The following MS4A5 variants were observed in gnomAD, a reference collection of about 807,000 sequenced individuals.
The protein encoded by MS4A5 is membrane spanning 4-domains A5.
In MS4A5, 15 loss-of-function variants were observed where a neutral mutation model predicts 18.2. The ratio of observed to expected loss-of-function variants is 0.83; its 90% CI spans 0.55 to 1.27. The LOEUF (loss-of-function observed/expected upper bound fraction) is 1.27. Among genes scored for constraint, MS4A5 ranks in the 50% most tolerant of loss-of-function variants. MS4A5 has a pLI of 0.00. For missense variants in MS4A5, 232 were observed against 225.7 expected, an observed-to-expected ratio of 1.03 and a Z score of -0.18; for synonymous variants, 89 against 78.7, an observed-to-expected ratio of 1.13 and a Z score of -0.69.
chr11:60,437,237 C>A (rs1453846213), intron 4 of MS4A5, among the ~76,000 whole-genome samples: 3 of 149,436 alleles, frequency 2.0e-5, no homozygotes, highest in Non-Finnish European at 4.5e-5. Flanking sequence ...GATTTTGTCA[C>A]CACCAGGCCT....
In MS4A5 at chr11:60,447,297, A is replaced by T. The variant is rs1021809086; in HGVS notation, c.493-352A>T. On this transcript the variant is annotated intron_variant, in intron 4 of 4. Coordinates refer to ENST00000300190, the MANE Select transcript of MS4A5 (RefSeq NM_023945.3). ...ATCCTATGCTATGCTATGCTATGCT[A>T]TCCTATGCTGTGCTATGCTATGCTA... Among the ~76,000 whole-genome samples the T allele has an allele frequency of 1.5e-4, 21 of 137,916 alleles. No individual in the cohort carries two copies. In the South Asian group the frequency reaches 4.6e-3, roughly 30 times the overall value. 90.5% of individuals were successfully genotyped at this position (137,916 alleles called of 152,430 possible). A position where few individuals can be genotyped will look rare whatever the true frequency, so the allele number is the denominator to read the frequency against.
rs374943559 is a variant in MS4A5 at position 60,446,610 on chromosome 11, G to A, written c.493-1039G>A. 3.9e-5 allele frequency among the ~76,000 whole-genome samples: 6 copies of A among 152,156 alleles called. No individual in the cohort carries two copies. In the South Asian group the frequency reaches 8.3e-4, roughly 21 times the overall value. On this transcript the variant is annotated intron_variant, in intron 4 of 4. Coordinates refer to ENST00000300190, the MANE Select transcript of MS4A5 (RefSeq NM_023945.3). ...TAGCCGGGTTTGGTGGTGGGCACCT[G>A]TAATCCCAGCTACTCGGGAGGCTGA... is the stretch of plus-strand genomic sequence containing the variant.
intron 4 of MS4A5, among the ~76,000 whole-genome samples, chr11:60,441,378 T>C (rs1444711714): frequency 1.7e-5 from 2 of 114,414 alleles, no homozygotes; most frequent in East Asian, 4.7e-4. Flanking sequence ...TGTATACATA[T>C]GTAACTAACC....
At chr11:60,440,697 C>T (rs1218867265) in intron 4 of MS4A5, among the ~76,000 whole-genome samples, 1 of 142,236 alleles carries the variant, frequency 7.0e-6, no homozygotes, top group Non-Finnish European at 1.5e-5. Flanking sequence ...CACTGGCCAT[C>T]AGAGAAATGC....
At chr11:60,429,942 T>C (rs949276698) in intron 1 of MS4A5, 115 bp downstream of exon 1, 1 of 1,009,386 alleles carries the variant, frequency 9.9e-7, no homozygotes. Flanking sequence ...TTTAAGACAA[T>C]GTGAATATAG....
intron 4 of MS4A5, among the ~76,000 whole-genome samples, chr11:60,439,937 T>C (rs1157071893): frequency 8.0e-6 from 1 of 124,782 alleles, no homozygotes; most frequent in Non-Finnish European, 1.7e-5. Flanking sequence ...TTAAAGTTCA[T>C]ATGGGACCAA....
intron 4 of MS4A5, among the ~76,000 whole-genome samples, chr11:60,435,902 G>T (rs945415038): frequency 3.9e-4 from 59 of 152,372 alleles, no homozygotes; most frequent in Middle Eastern, 3.4e-3. Flanking sequence ...CAAAGCAGCT[G>T]GGAAGCTCCA....
At chr11:60,446,344 G>T (rs1428524002) in intron 4 of MS4A5, among the ~76,000 whole-genome samples, 2 of 152,178 alleles carry the variant, frequency 1.3e-5, no homozygotes, top group Non-Finnish European at 2.9e-5. Flanking sequence ...GTAAGTGCAG[G>T]TCTGCAGCCT....
intron 4 of MS4A5, among the ~76,000 whole-genome samples, chr11:60,442,354 T>C (rs927688702): frequency 4.6e-5 from 7 of 152,172 alleles, no homozygotes; most frequent in Non-Finnish European, 7.3e-5. Flanking sequence ...CTTTTAAGAA[T>C]ACAATAGCCA....
chr11:60,443,078 T>G (rs925177170), intron 4 of MS4A5, among the ~76,000 whole-genome samples: 2 of 151,996 alleles, frequency 1.3e-5, no homozygotes, highest in African/African-American at 4.8e-5. Context: ...GAGGCGGAAG[T>G]TGAAGTGAGC....
chr11:60,446,028 T>C (rs1049959902), intron 4 of MS4A5, among the ~76,000 whole-genome samples: 1 of 152,194 alleles, frequency 6.6e-6, no homozygotes, highest in African/African-American at 2.4e-5. Flanking sequence ...AAACCACCTG[T>C]ATATAATGGT....
chr11:60,444,014 C>G (rs1377475532), intron 4 of MS4A5, among the ~76,000 whole-genome samples: 1 of 152,060 alleles, frequency 6.6e-6, no homozygotes, highest in Non-Finnish European at 1.5e-5. Flanking sequence ...AAAAGCAAAG[C>G]CTTGCAGGAG....
At chr11:60,432,769 C>A (rs1300935471) in intron 3 of MS4A5, among the ~76,000 whole-genome samples, 64 of 138,130 alleles carry the variant, frequency 4.6e-4, no homozygotes, top group South Asian at 7.0e-4. Context: ...GACTCCATCT[C>A]AAAAAAAAAA....
chr11:60,445,505 C>A (rs2086134025), intron 4 of MS4A5, among the ~76,000 whole-genome samples: 1 of 152,144 alleles, frequency 6.6e-6, no homozygotes, highest in Non-Finnish European at 1.5e-5. Flanking sequence ...GGCAATCCAC[C>A]AGCCTCGGCC....
At chr11:60,430,713 T>C in intron 1 of MS4A5, 83 bp from the exon 2 acceptor site, 1 of 1,528,598 alleles carries the variant, frequency 6.5e-7, no homozygotes. Flanking sequence ...TGCCAAATCC[T>C]TTTGACCAAA....
rs34169848 is a variant in MS4A5, at chr11:60,429,826, G to A, written c.152G>A (p.Gly51Glu). The A allele has an allele frequency of 0.048, 78,079 of 1,612,678 alleles. 2,255 individuals are homozygous for A. Among genetic ancestry groups the A allele is most frequent in the Non-Finnish European group, 0.057 (66,972 of 1,179,578 alleles). The stretch of plus-strand genomic sequence containing the variant: ...TTTGCTAGAAAAATGAAAATCTTAG[G>A]GGTAAGTAAGACTTGCCCCTATGTA... The part of the protein sequence containing the change: ...KLFARKMKIL[G>E]TIQILFGIMT... Residue 51 changes from glycine (G) to glutamate (E), a missense_variant and splice_region_variant, in exon 1 of 5, where the codon GGG (glycine) becomes GAG (glutamate). Transcript: ENST00000300190.
chr11:60,438,591 T>A lies in MS4A5; in HGVS notation c.492+4674T>A, dbSNP rs1191027761. On this transcript the variant is annotated intron_variant, in intron 4 of 4. Transcript: ENST00000300190. ...ACGCAATAAAAAATGATAAAGGGGA[T>A]GTCACCACCGATCCCACAGAAATAC... Among the ~76,000 whole-genome samples, 4 of 151,906 alleles carry A rather than the reference T, an allele frequency of 2.6e-5. No homozygotes were observed. The East Asian group carries it at 7.7e-4, about 29-fold the overall frequency.
rs1489874614 is a variant in MS4A5 at position 60,436,735 on chromosome 11, A to G, written c.492+2818A>G. Among the ~76,000 whole-genome samples, 25 of 135,146 alleles carry G rather than the reference A, an allele frequency of 1.8e-4. 4 individuals carry two copies. The highest frequency in any genetic ancestry group is 5.7e-4 in the African/African-American group (22 of 38,906). The allele number at this position is 135,146 out of a possible 152,430, so 88.7% of individuals were successfully genotyped here. A position where few individuals can be genotyped will look rare whatever the true frequency, so the allele number is the denominator to read the frequency against. On this transcript the variant is annotated intron_variant, in intron 4 of 4. Transcript: ENST00000300190. ...GAAGTTTAGAGAAAAAAGAATAAAAAGAAATGAGCAAAGCCTCCAAGAAAT... is the reference window on the plus strand; with the variant it reads ...GAAGTTTAGAGAAAAAAGAATAAAAGGAAATGAGCAAAGCCTCCAAGAAAT...
At chr11:60,430,014 T>C (rs1225116154) in intron 1 of MS4A5, among the ~76,000 whole-genome samples, 187 bp downstream of exon 1, 3 of 152,094 alleles carry the variant, frequency 2.0e-5, no homozygotes, top group Admixed American at 1.3e-4. Flanking sequence ...GGTCTGGACT[T>C]GACAAAAAAT....
Sources: allele counts gnomAD v4.1 joint callset (sites outside exome capture counted in the v4.1 genomes callset), GRCh38; gene constraint gnomAD v4.1.1; transcripts MANE v1.5; gene names NCBI Gene and HGNC (gene_info 2026-07-23, HGNC 2026-07-21).